The following FOXK1 variants were observed in gnomAD, a reference collection of about 807,000 sequenced individuals.
FOXK1 encodes forkhead box K1, also known as forkhead box protein K1.
FOXK1 carries 19 observed loss-of-function variants against 51.9 expected under a neutral mutation model. The observed-to-expected ratio is 0.37, with a 90% CI of 0.26 to 0.54. FOXK1 has a LOEUF of 0.54. Among genes scored for constraint, FOXK1 ranks in the 20% least tolerant of loss-of-function variants. FOXK1 has a pLI of 0.87. For synonymous variants in FOXK1, 537 were observed against 482.6 expected (o/e 1.11, Z -1.48); for missense variants, 870 against 1,032.7 (o/e 0.84, Z 2.16).
At chr7:4,754,093 G>A (rs1323651001) in intron 2 of FOXK1, among the ~76,000 whole-genome samples, 2 of 152,206 alleles carry the variant, frequency 1.3e-5, no homozygotes, top group East Asian at 3.9e-4. Context: ...GGAGCCAGCA[G>A]CCCGCGGAGG....
rs890644584 is a variant in FOXK1, at chr7:4,723,912, C to A, written c.561-16926C>A. ...TCTCGACCTCCTAGGCTCAAGCGATCCTCCTACCTCAGCTTCCCAAAGTGC... is the reference window on the plus strand; with the variant it reads ...TCTCGACCTCCTAGGCTCAAGCGATACTCCTACCTCAGCTTCCCAAAGTGC... On this transcript the variant is annotated intron_variant, in intron 1 of 8. Transcript: ENST00000328914. This position sits in a 1 kb window ranked among gnomAD's most constrained non-coding sequence, Gnocchi z 4.7. Among the ~76,000 whole-genome samples, 4 of 152,206 alleles carry A rather than the reference C, an allele frequency of 2.6e-5. No individual in the cohort carries two copies. Among genetic ancestry groups the A allele is most frequent in the African/African-American group, 9.7e-5 (4 of 41,440 alleles).
Position 4,732,279 on chromosome 7 carries a change from A to G in FOXK1, c.561-8559A>G, listed in dbSNP as rs548455204. 3.4e-4 allele frequency among the ~76,000 whole-genome samples: 52 copies of G among 152,342 alleles called. 1 individual carries two copies. In the South Asian group the frequency reaches 9.9e-3, roughly 29 times the overall value. On this transcript the variant is annotated intron_variant, in intron 1 of 8. Transcript: ENST00000328914. ...CCCAGTTTGGCTGATGAGGGAAACC[A>G]GGCCAGTGTATGAAGAGACTGACCA...
intron 1 of FOXK1, among the ~76,000 whole-genome samples, chr7:4,739,287 T>C (rs1437937440): frequency 6.6e-6 from 1 of 152,248 alleles, no homozygotes; most frequent in East Asian, 1.9e-4. Flanking sequence ...CGGTGGCTTA[T>C]GTACATTCTT....
At chr7:4,728,514 T>C (rs1780409379) in intron 1 of FOXK1, among the ~76,000 whole-genome samples, 1 of 152,068 alleles carries the variant, frequency 6.6e-6, no homozygotes, top group South Asian at 2.1e-4. Context: ...GTGCACGTGC[T>C]GTGTGTGTAC....
At position 4,735,793 on chromosome 7, in the gene FOXK1, C is replaced by T. The variant is rs1780545061; in HGVS notation, c.561-5045C>T. On this transcript the variant is annotated intron_variant, in intron 1 of 8. Transcript: ENST00000328914. This position sits in a 1 kb window ranked among gnomAD's most constrained non-coding sequence, Gnocchi z 4.7. ...TTCAGACTCCAGCTAGAGCCCTGCA[C>T]CTCCATCAAGATATTACAGGGAGAG... Among the ~76,000 whole-genome samples the T allele has an allele frequency of 1.3e-5, 2 of 152,186 alleles. No individual in the cohort carries two copies. The highest frequency in any genetic ancestry group is 2.9e-5 in the Non-Finnish European group (2 of 68,032).
rs1024573040 is a variant in FOXK1, at chr7:4,729,195, G to A, written c.561-11643G>A. On this transcript the variant is annotated intron_variant, in intron 1 of 8. Coordinates refer to ENST00000328914, the MANE Select transcript of FOXK1 (RefSeq NM_001037165.2). The surrounding 1 kb of genome is among the most constrained non-coding windows in gnomAD (Gnocchi z 6.2). ...CATGGTGGGGAGCGGAGGTGATTTC[G>A]GAGCCTACTCTCCGATCCTCAGGAT... Among the ~76,000 whole-genome samples the A allele has an allele frequency of 4.6e-5, 7 of 152,170 alleles. No homozygotes were observed. The highest frequency in any genetic ancestry group is 1.4e-4 in the African/African-American group (6 of 41,424).
chr7:4,732,536 G>A (rs965637729), intron 1 of FOXK1, among the ~76,000 whole-genome samples: 42 of 152,056 alleles, frequency 2.8e-4, no homozygotes, highest in African/African-American at 9.7e-4. Context: ...TCAAGCGATC[G>A]TCCCACCTCA....
In FOXK1 at chr7:4,745,431, C is replaced by A. The variant is rs1780690389; in HGVS notation, c.746+4408C>A. Among the ~76,000 whole-genome samples, 1 of 147,094 alleles carries A rather than the reference C, an allele frequency of 6.8e-6. No individual in the cohort carries two copies. Among genetic ancestry groups the A allele is most frequent in the Non-Finnish European group, 1.5e-5 (1 of 66,878 alleles). On this transcript the variant is annotated intron_variant, in intron 2 of 8. Coordinates refer to ENST00000328914, the MANE Select transcript of FOXK1 (RefSeq NM_001037165.2). This position sits in a 1 kb window ranked among gnomAD's most constrained non-coding sequence, Gnocchi z 4.3. The stretch of plus-strand genomic sequence containing the variant: ...TTCCGTTTCTCGCAGGCCCTCGCTC[C>A]TTTTCCCAGGGTGGGTGGGTATGGG...
intron 1 of FOXK1, among the ~76,000 whole-genome samples, chr7:4,737,312 T>C (rs150511355): frequency 9.2e-5 from 14 of 152,346 alleles, no homozygotes; most frequent in Admixed American, 3.9e-4. Context: ...TTTCGTTGAT[T>C]TGCAGTGGTT....
intron 1 of FOXK1, among the ~76,000 whole-genome samples, chr7:4,691,399 A>G (rs575802257): frequency 6.6e-6 from 1 of 152,288 alleles, no homozygotes; most frequent in East Asian, 1.9e-4. Flanking sequence ...CAGTGGTGCA[A>G]TCTCAGCTCA....
At chr7:4,718,982 T>C (rs140126045) in intron 1 of FOXK1, among the ~76,000 whole-genome samples, 127 of 151,976 alleles carry the variant, frequency 8.4e-4, no homozygotes, top group Admixed American at 1.4e-3. Context: ...GCTAATTTTG[T>C]ATTTTTAGTA....
chr7:4,746,448 G>A lies in FOXK1; in HGVS notation c.746+5425G>A, dbSNP rs1780703349. On this transcript the variant is annotated intron_variant, in intron 2 of 8. Coordinates refer to ENST00000328914, the MANE Select transcript of FOXK1 (RefSeq NM_001037165.2). ...GTGGTGACGCACTTTGGGAAGCTGA[G>A]GCAGGAGGATTGCTTGAGGCCAGGA... Among the ~76,000 whole-genome samples the A allele has an allele frequency of 2.6e-5, 4 of 152,288 alleles. No individual in the cohort carries two copies. In the South Asian group the frequency reaches 8.3e-4, roughly 32 times the overall value.
Position 4,709,319 on chromosome 7 carries a change from C to T in FOXK1, c.560+26451C>T, listed in dbSNP as rs1295914810. On this transcript the variant is annotated intron_variant, in intron 1 of 8. Coordinates refer to ENST00000328914, the MANE Select transcript of FOXK1 (RefSeq NM_001037165.2). This position sits in a 1 kb window ranked among gnomAD's most constrained non-coding sequence, Gnocchi z 5.6. ...TTGTTAGGCCAGGTCAGCGTGAGGC[C>T]GCCTACTGTGCCTCCTTCCCAGTGT... Among the ~76,000 whole-genome samples the T allele has an allele frequency of 6.6e-6, 1 of 152,160 alleles. No homozygotes were observed. Among genetic ancestry groups the T allele is most frequent in the African/African-American group, 2.4e-5 (1 of 41,440 alleles).
In FOXK1 at chr7:4,758,885, C is replaced by G. The variant is rs1489257023; in HGVS notation, c.1245-166C>G. On this transcript the variant is annotated intron_variant, in intron 5 of 8. Transcript: ENST00000328914. This position sits in a 1 kb window ranked among gnomAD's most constrained non-coding sequence, Gnocchi z 4.4. ...CCCCACTCAAATGGAGTTTTAAAGG[C>G]TGGGTTCAGGTTACGGGGGCGTTTC... The G allele has an allele frequency of 9.5e-5, 65 of 682,770 alleles. No homozygotes were observed. In the East Asian group the frequency reaches 1.7e-3, roughly 18 times the overall value. The allele number at this position is 682,770 out of a possible 1,614,324, so 42.3% of individuals were successfully genotyped here. A position where few individuals can be genotyped will look rare whatever the true frequency, so the allele number is the denominator to read the frequency against.
chr7:4,753,601 C>T lies in FOXK1; in HGVS notation c.747-858C>T, dbSNP rs544594504. On this transcript the variant is annotated intron_variant, in intron 2 of 8. Transcript: ENST00000328914. This position sits in a 1 kb window ranked among gnomAD's most constrained non-coding sequence, Gnocchi z 4.9. ...TCAGGACAGTGGGATCTCTTTCTCTCGGGAGGTTCTGCACCCACTCTTCGT... is the reference window on the plus strand; with the variant it reads ...TCAGGACAGTGGGATCTCTTTCTCTTGGGAGGTTCTGCACCCACTCTTCGT... 5.9e-5 allele frequency among the ~76,000 whole-genome samples: 9 copies of T among 152,266 alleles called. No individual in the cohort carries two copies. The highest frequency in any genetic ancestry group is 1.2e-4 in the African/African-American group (5 of 41,558).
intron 2 of FOXK1, among the ~76,000 whole-genome samples, chr7:4,750,670 G>A (rs906899192): frequency 3.2e-4 from 48 of 151,086 alleles, no homozygotes; most frequent in African/African-American, 1.1e-3. Flanking sequence ...GGATGGTCTC[G>A]ATCTCCTAAC....
chr7:4,684,892 G>A (rs532831411), intron 1 of FOXK1, among the ~76,000 whole-genome samples: 7 of 151,910 alleles, frequency 4.6e-5, no homozygotes, highest in African/African-American at 1.7e-4. Flanking sequence ...GAATAGGCCA[G>A]TAGCAAGCCT....
intron 1 of FOXK1, among the ~76,000 whole-genome samples, chr7:4,718,588 G>T (rs957342115): frequency 3.3e-5 from 5 of 152,184 alleles, no homozygotes; most frequent in African/African-American, 1.2e-4. Context: ...AGCGGACCTA[G>T]GTTTCCCTCG....
At chr7:4,750,888 G>C (rs988363547) in intron 2 of FOXK1, among the ~76,000 whole-genome samples, 3 of 151,746 alleles carry the variant, frequency 2.0e-5, no homozygotes, top group Non-Finnish European at 4.4e-5. Flanking sequence ...ATTTTCAGTA[G>C]AGACGGGATT....
Sources: allele counts gnomAD v4.1 joint callset (sites outside exome capture counted in the v4.1 genomes callset), GRCh38; gene constraint gnomAD v4.1.1; non-coding constraint Gnocchi (gnomAD v3.1); transcripts MANE v1.5; gene names NCBI Gene and HGNC (gene_info 2026-07-23, HGNC 2026-07-21).